RASSF3: variants seen among roughly 807,000 people sequenced by gnomAD.
RASSF3 encodes Ras association domain family member 3, also known as ras association domain-containing protein 3.
Under a neutral mutation model 19.9 loss-of-function variants are expected in RASSF3, and 19 were observed. That is an observed-to-expected ratio of 0.96 (90% CI 0.67 to 1.40). The LOEUF (loss-of-function observed/expected upper bound fraction) is 1.40. RASSF3 is among the 40% of genes most tolerant of loss of function. The pLI is 0.00. For missense variants in RASSF3, 306 were observed against 289.8 expected, an observed-to-expected ratio of 1.06 and a Z score of -0.41; for synonymous variants, 110 against 104.2, an observed-to-expected ratio of 1.06 and a Z score of -0.34.
At chr12:64,677,172 G>A (rs183966603) in intron 1 of RASSF3, among the ~76,000 whole-genome samples, 7 of 152,214 alleles carry the variant, frequency 4.6e-5, no homozygotes. Flanking sequence ...TATTTGCAAT[G>A]TTTACTACAG....
intron 2 of RASSF3, among the ~76,000 whole-genome samples, chr12:64,600,033 C>CA (rs34515445): frequency 0.095 from 6,069 of 63,736 alleles, 956 homozygotes; most frequent in African/African-American, 0.32. Context: ...GACTCCATCT[C>CA]AAAAAAAAAA....
intron 1 of RASSF3, among the ~76,000 whole-genome samples, chr12:64,630,764 G>A (rs11837759): frequency 0.07 from 10,598 of 152,176 alleles, 529 homozygotes; most frequent in East Asian, 0.14. Context: ...GAGAGGTGGT[G>A]AGAAAGAGGA....
At chr12:64,648,674 G>A (rs571283925) in intron 1 of RASSF3, among the ~76,000 whole-genome samples, 1 of 152,018 alleles carries the variant, frequency 6.6e-6, no homozygotes, top group East Asian at 1.9e-4. Context: ...GTAGAGACGG[G>A]GTTTCATCAT....
intron 2 of RASSF3, among the ~76,000 whole-genome samples, chr12:64,601,718 T>A (rs965506244): frequency 1.3e-5 from 2 of 151,660 alleles, no homozygotes; most frequent in African/African-American, 4.8e-5. Context: ...GAGGCCGAGG[T>A]GGGAAGGTCC....
At chr12:64,599,631 G>A (rs1347263285) in intron 2 of RASSF3, among the ~76,000 whole-genome samples, 1 of 152,166 alleles carries the variant, frequency 6.6e-6, no homozygotes, top group South Asian at 2.1e-4. Flanking sequence ...GAGGGTGAAC[G>A]TGGGAGCTCG....
chr12:64,649,485 C>T (rs1482452636), intron 1 of RASSF3, among the ~76,000 whole-genome samples: 1 of 152,164 alleles, frequency 6.6e-6, no homozygotes, highest in Non-Finnish European at 1.5e-5. Flanking sequence ...AGCCACTGCG[C>T]CTGGCCAGCC....
intron 2 of RASSF3, among the ~76,000 whole-genome samples, chr12:64,687,141 C>T (rs2136220883): frequency 6.6e-6 from 1 of 152,056 alleles, no homozygotes; most frequent in South Asian, 2.1e-4. Context: ...TTATAGGCAC[C>T]TGCCACCACA....
intron 1 of RASSF3, among the ~76,000 whole-genome samples, chr12:64,680,190 G>A (rs1156404426): frequency 6.6e-6 from 1 of 152,166 alleles, no homozygotes; most frequent in African/African-American, 2.4e-5. Context: ...TACTCTGTGA[G>A]GGGACGGGAG....
At chr12:64,612,185 T>A (rs1300279692) in intron 1 of RASSF3, among the ~76,000 whole-genome samples, 1 of 152,134 alleles carries the variant, frequency 6.6e-6, no homozygotes, top group Non-Finnish European at 1.5e-5. Flanking sequence ...TTGCTTATGC[T>A]TTTTCCATTT....
At chr12:64,680,089 T>C (rs936669604) in intron 1 of RASSF3, among the ~76,000 whole-genome samples, 4 of 152,216 alleles carry the variant, frequency 2.6e-5, no homozygotes, top group Non-Finnish European at 4.4e-5. Flanking sequence ...TTTCGTTTTC[T>C]TCTCTTCCTT....
intron 1 of RASSF3, among the ~76,000 whole-genome samples, chr12:64,523,452 A>C (rs546374025): frequency 1.3e-5 from 2 of 152,106 alleles, no homozygotes; most frequent in Non-Finnish European, 2.9e-5. Context: ...TTCTTTGTAC[A>C]GACATTGCTT....
chr12:64,559,390 C>A (rs138345678), intron 2 of RASSF3, among the ~76,000 whole-genome samples: 2,701 of 150,256 alleles, frequency 0.018, 76 homozygotes, highest in African/African-American at 0.063. Flanking sequence ...ACTACAGGCG[C>A]CTGCCACCAA....
At chr12:64,632,690 G>C (rs1871206775) in intron 1 of RASSF3, among the ~76,000 whole-genome samples, 1 of 152,066 alleles carries the variant, frequency 6.6e-6, no homozygotes, top group South Asian at 2.1e-4. Context: ...GTTTAGTGAG[G>C]TAGGGGAACA....
chr12:64,681,060 GC>G (rs1395671442), intron 1 of RASSF3, among the ~76,000 whole-genome samples: 1 of 152,178 alleles, frequency 6.6e-6, no homozygotes, highest in Non-Finnish European at 1.5e-5. Context: ...GTCTGCCTGT[GC>G]GAAGGGGCCT....
chr12:64,638,206 T>C (rs1276503799), intron 1 of RASSF3, among the ~76,000 whole-genome samples: 1 of 152,212 alleles, frequency 6.6e-6, no homozygotes, highest in East Asian at 1.9e-4. Context: ...ATGTTGTAAA[T>C]ATTAATTTAT....
intron 1 of RASSF3, among the ~76,000 whole-genome samples, chr12:64,655,687 A>C (rs1029604452): frequency 3.3e-5 from 5 of 152,036 alleles, no homozygotes; most frequent in Middle Eastern, 3.4e-3. Flanking sequence ...CAAAACAAAC[A>C]AAAAAAATGC....
Position 64,684,792 on chromosome 12 carries a change from T to C in RASSF3, c.117T>C (p.Val39=). 1 of 1,606,586 alleles carries C rather than the reference T, an allele frequency of 6.2e-7. No homozygotes were observed. The highest frequency in any genetic ancestry group is 1.7e-4 in the Middle Eastern group (1 of 6,048). The change falls in exon 2 of 5, where the codon GTT becomes GTC. Residue 39 remains valine (V), a synonymous_variant. Coordinates refer to ENST00000542104, the MANE Select transcript of RASSF3 (RefSeq NM_178169.4). ...QGKPRSGQQD[V]EKEKETHSYL... is the part of the protein sequence containing the mutation. The stretch of plus-strand genomic sequence containing the variant: ...ATGTCTTGTTTTTCTTCTAGGATGT[T>C]GAGAAAGAGAAGGAAACCCACAGTT...
intron 2 of RASSF3, among the ~76,000 whole-genome samples, chr12:64,563,984 A>C (rs1318108141): frequency 6.6e-6 from 1 of 152,116 alleles, no homozygotes; most frequent in Non-Finnish European, 1.5e-5. Flanking sequence ...CATCCCTAGC[A>C]CCCACCCCAG....
upstream of RASSF3, among the ~76,000 whole-genome samples, chr12:64,606,257 G>A (rs1319645382): frequency 2.0e-5 from 3 of 152,182 alleles, no homozygotes; most frequent in East Asian, 1.9e-4. Flanking sequence ...GACTCTGCAC[G>A]TCAGGCCTTA....
Sources: gnomAD v4.1 joint callset for allele counts (sites outside exome capture counted in the v4.1 genomes callset) on GRCh38, gnomAD v4.1.1 for gene constraint, MANE v1.5 for transcripts, NCBI Gene and HGNC (gene_info 2026-07-23, HGNC 2026-07-21) for gene names.